The following CFAP263 variants were observed in gnomAD, a reference collection of about 807,000 sequenced individuals.
The protein encoded by CFAP263 is cilia and flagella associated protein 263, also known as cilia- and flagella-associated protein 263.
the CFAP263 span, among the ~76,000 whole-genome samples, chr16:58,277,339 G>T: frequency 6.6e-6 from 1 of 152,066 alleles, no homozygotes; most frequent in Non-Finnish European, 1.5e-5. Flanking sequence ...ATGTTGGCCA[G>T]GCTGGTCTCA....
At chr16:58,280,769 G>C in the CFAP263 span, 3 of 1,585,954 alleles carry the variant, frequency 1.9e-6, no homozygotes, top group Non-Finnish European at 2.6e-6. Context: ...TGTGATAAAA[G>C]ACAGAAGGCT....
chr16:58,267,403 A>C, the CFAP263 span: 1 of 1,005,090 alleles, frequency 9.9e-7, no homozygotes. Context: ...CTGTTCGTTA[A>C]CAAAGAGATG....
the CFAP263 span, chr16:58,281,452 C>CA: frequency 6.6e-6 from 1 of 152,368 alleles, no homozygotes; most frequent in South Asian, 2.1e-4. Context: ...ATCCTGATGT[C>CA]GCTATAAAGG....
chr16:58,250,230 G>A, the CFAP263 span: 1 of 603,918 alleles, frequency 1.7e-6, no homozygotes, highest in Non-Finnish European at 2.9e-6. Flanking sequence ...GAGCACTGGG[G>A]AGACTTTTCC....
the CFAP263 span, chr16:58,278,767 T>C: frequency 1.2e-6 from 1 of 821,572 alleles, no homozygotes; most frequent in African/African-American, 1.7e-5. Flanking sequence ...CAGCAGTTGC[T>C]TTAACTATTA....
At chr16:58,279,969 C>T in the CFAP263 span, 1 of 620,112 alleles carries the variant, frequency 1.6e-6, no homozygotes, top group Non-Finnish European at 2.8e-6. Context: ...GGAACTGTTA[C>T]CACTGAAAGA....
chr16:58,280,138 C>CA, the CFAP263 span: 30 of 1,402,366 alleles, frequency 2.1e-5, no homozygotes, highest in Middle Eastern at 6.0e-4. Context: ...GTGCAACTAT[C>CA]AAAAACAGAC....
At chr16:58,280,633 T>A in the CFAP263 span, 4 of 1,614,054 alleles carry the variant, frequency 2.5e-6, no homozygotes, top group East Asian at 8.9e-5. Flanking sequence ...CCATTTGCTG[T>A]AGTCTTCCAC....
chr16:58,274,792 CA>C, the CFAP263 span, among the ~76,000 whole-genome samples: 7 of 152,186 alleles, frequency 4.6e-5, no homozygotes, highest in Non-Finnish European at 7.3e-5. Context: ...AGACAAAACA[CA>C]GCCTCTCTCC....
chr16:58,267,170 G>C, the CFAP263 span, among the ~76,000 whole-genome samples: 1 of 152,164 alleles, frequency 6.6e-6, no homozygotes, highest in African/African-American at 2.4e-5. Context: ...CCTACATGGT[G>C]ACTGGACCCA....
the CFAP263 span, chr16:58,267,415 C>A: frequency 9.2e-7 from 1 of 1,082,940 alleles, no homozygotes; most frequent in Non-Finnish European, 1.4e-6. Context: ...AAAGAGATGT[C>A]TCCCCTTCCT....
chr16:58,250,822 C>A, the CFAP263 span, among the ~76,000 whole-genome samples: 1 of 150,126 alleles, frequency 6.7e-6, no homozygotes, highest in Non-Finnish European at 1.5e-5. Flanking sequence ...GAATAGAAAG[C>A]AAGCTATTGA....
At chr16:58,280,574 G>C in the CFAP263 span, 2 of 1,614,176 alleles carry the variant, frequency 1.2e-6, no homozygotes, top group Non-Finnish European at 1.7e-6. Flanking sequence ...TTTTCCCAGT[G>C]GTGGAGTGAG....
At chr16:58,251,800 C>T in the CFAP263 span, among the ~76,000 whole-genome samples, 152,356 of 152,362 alleles carry the variant, frequency 1, 76,175 homozygotes, top group Middle Eastern at 1. Flanking sequence ...AACATCAAAG[C>T]TGTTCTCTCT....
At chr16:58,269,394 GAGGAAAGAA>G in the CFAP263 span, among the ~76,000 whole-genome samples, 7 of 116,510 alleles carry the variant, frequency 6.0e-5, no homozygotes, top group South Asian at 5.2e-4. Flanking sequence ...AGGAAGGAAA[GAGGAAAGAA>G]AGGAAAGAAA....
At chr16:58,278,459 G>A in the CFAP263 span, 19 of 1,611,714 alleles carry the variant, frequency 1.2e-5, no homozygotes, top group East Asian at 3.6e-4. Context: ...TTCCCTGGGT[G>A]TAACTGGTCC....
chr16:58,252,136 A>C, the CFAP263 span, among the ~76,000 whole-genome samples: 3 of 152,224 alleles, frequency 2.0e-5, no homozygotes, highest in Non-Finnish European at 4.4e-5. Context: ...TGGGAAACCA[A>C]GGTGGGAGGA....
the CFAP263 span, among the ~76,000 whole-genome samples, chr16:58,265,775 G>T: frequency 6.6e-6 from 1 of 152,200 alleles, no homozygotes; most frequent in Non-Finnish European, 1.5e-5. Flanking sequence ...TACAGAAGTG[G>T]CCTCCTCAAG....
At chr16:58,259,904 G>A in the CFAP263 span, 5 of 1,605,240 alleles carry the variant, frequency 3.1e-6, no homozygotes. Context: ...TCAAAGTTCA[G>A]AGGAAAAAAA....
Sources: allele counts gnomAD v4.1 joint callset (sites outside exome capture counted in the v4.1 genomes callset), GRCh38; gene constraint gnomAD v4.1.1; transcripts MANE v1.5; gene names NCBI Gene and HGNC (gene_info 2026-07-23, HGNC 2026-07-21).